Variants in LRRC7 observed in about 807,000 individuals in gnomAD.
LRRC7 encodes leucine-rich repeat-containing protein 7.
A neutral mutation model predicts 175.7 loss-of-function variants in LRRC7; 23 were observed. That is an observed-to-expected ratio of 0.13 (90% CI 0.09 to 0.19). The LOEUF (loss-of-function observed/expected upper bound fraction) is 0.19. Ranked by LOEUF, LRRC7 falls within the 10% of genes least tolerant of loss-of-function variation. The pLI is 1.00. For missense variants in LRRC7, 1,354 were observed against 1,904.7 expected (o/e 0.71, Z 5.38); for synonymous variants, 685 against 680.9 (o/e 1.01, Z -0.09).
intron 7 of LRRC7, among the ~76,000 whole-genome samples, chr1:69,886,231 A>C (rs541077508): frequency 6.6e-6 from 1 of 151,886 alleles, no homozygotes; most frequent in Non-Finnish European, 1.5e-5. Context: ...AAAGTCTCCC[A>C]TTGTTAATGT....
At chr1:69,819,122 T>C (rs1678932406) in intron 4 of LRRC7, among the ~76,000 whole-genome samples, 1 of 152,128 alleles carries the variant, frequency 6.6e-6, no homozygotes, top group African/African-American at 2.4e-5. Flanking sequence ...TTTGTTCTTA[T>C]TTTTCTAATT....
intron 12 of LRRC7, among the ~76,000 whole-genome samples, chr1:70,012,599 T>G (rs1656609899): frequency 6.6e-6 from 1 of 151,728 alleles, no homozygotes; most frequent in Admixed American, 6.6e-5. Flanking sequence ...GCCTAGGAAA[T>G]GTCAACAATA....
intron 2 of LRRC7, among the ~76,000 whole-genome samples, chr1:69,742,734 T>C (rs1254713822): frequency 2.6e-5 from 4 of 152,046 alleles, no homozygotes; most frequent in African/African-American, 7.2e-5. Flanking sequence ...CTTGGTTGTT[T>C]TAAATCTTTG....
At chr1:69,893,819 CTT>C (rs5774996) in intron 7 of LRRC7, among the ~76,000 whole-genome samples, 5 of 150,726 alleles carry the variant, frequency 3.3e-5, no homozygotes, top group Admixed American at 1.3e-4. Context: ...GAAAACCAAA[CTT>C]TTTTTTTTAG....
chr1:70,008,725 T>C (rs1420078503), intron 11 of LRRC7, among the ~76,000 whole-genome samples: 3 of 152,156 alleles, frequency 2.0e-5, no homozygotes, highest in Non-Finnish European at 4.4e-5. Context: ...TATCCAATAG[T>C]TGTAGTGCTT....
At chr1:69,813,310 G>A (rs941334587) in intron 4 of LRRC7, among the ~76,000 whole-genome samples, 2 of 152,068 alleles carry the variant, frequency 1.3e-5, no homozygotes, top group African/African-American at 4.8e-5. Context: ...TCTAAGTAGT[G>A]CTGAAAGGAA....
At chr1:70,078,663 A>G (rs1323632700) in intron 24 of LRRC7, among the ~76,000 whole-genome samples, 1 of 152,196 alleles carries the variant, frequency 6.6e-6, no homozygotes, top group East Asian at 1.9e-4. Context: ...TTTATTAGCC[A>G]CTTGTCCTTG....
intron 7 of LRRC7, among the ~76,000 whole-genome samples, chr1:69,852,651 A>G (rs959591319): frequency 6.6e-6 from 1 of 152,096 alleles, no homozygotes; most frequent in Non-Finnish European, 1.5e-5. Context: ...TTAAACTGAC[A>G]CTTTTCGGTT....
chr1:69,710,231 A>T (rs753017150), intron 2 of LRRC7, among the ~76,000 whole-genome samples: 3 of 145,696 alleles, frequency 2.1e-5, no homozygotes, highest in Non-Finnish European at 4.5e-5. Flanking sequence ...GTGAGCCAAG[A>T]TCACGCCACT....
intron 2 of LRRC7, among the ~76,000 whole-genome samples, chr1:69,743,844 A>G (rs1668976498): frequency 6.6e-6 from 1 of 151,822 alleles, no homozygotes; most frequent in Admixed American, 6.6e-5. Flanking sequence ...GTTTTATGAG[A>G]CTTACTTGAA....
At chr1:70,004,999 C>T (rs12040135) in intron 11 of LRRC7, among the ~76,000 whole-genome samples, 11,564 of 151,844 alleles carry the variant, frequency 0.076, 493 homozygotes, top group African/African-American at 0.12. Context: ...CTTTTACACG[C>T]TTCAGAAATA....
chr1:70,000,931 G>A (rs1379654077), intron 11 of LRRC7, among the ~76,000 whole-genome samples: 1 of 152,122 alleles, frequency 6.6e-6, no homozygotes, highest in African/African-American at 2.4e-5. Flanking sequence ...CCACAGTGAG[G>A]CCTTCCCTAA....
intron 12 of LRRC7, 101 bp downstream of exon 12, chr1:70,012,027 T>C (rs539245319): frequency 2.8e-6 from 2 of 720,266 alleles, no homozygotes; most frequent in African/African-American, 3.6e-5. Flanking sequence ...TGAGTTGAGC[T>C]GTGAATATAT....
Position 69,768,428 on chromosome 1 carries a change from A to G in LRRC7, c.303+8035A>G, listed in dbSNP as rs538745572. On this transcript the variant is annotated intron_variant, in intron 3 of 26. Transcript: ENST00000651989. ...GAAGCTTTTCCCCATTATCTCATAC[A>G]AAATAACAACACCCACTATCACCAC... is the stretch of plus-strand genomic sequence containing the variant. 4.6e-5 allele frequency among the ~76,000 whole-genome samples: 7 copies of G among 152,300 alleles called. No homozygotes were observed. In the South Asian group the frequency reaches 1.4e-3, roughly 32 times the overall value.
intron 7 of LRRC7, among the ~76,000 whole-genome samples, chr1:69,869,020 C>T (rs1464530496): frequency 6.6e-6 from 1 of 151,850 alleles, no homozygotes; most frequent in Non-Finnish European, 1.5e-5. Flanking sequence ...TTAAATGCTG[C>T]TTTAAATACC....
At chr1:69,638,289 G>A (rs150232991) in intron 1 of LRRC7, among the ~76,000 whole-genome samples, 106 of 151,868 alleles carry the variant, frequency 7.0e-4, no homozygotes, top group African/African-American at 2.3e-3. Flanking sequence ...TTCTAACCCT[G>A]TGCCTGAATA....
intron 23 of LRRC7, among the ~76,000 whole-genome samples, chr1:70,069,960 T>C (rs894482774): frequency 6.6e-6 from 1 of 152,158 alleles, no homozygotes; most frequent in Non-Finnish European, 1.5e-5. Context: ...GTTTCTTCTT[T>C]ATATCTTCTG....
At chr1:69,831,867 A>G (rs1474960432) in intron 5 of LRRC7, among the ~76,000 whole-genome samples, 1 of 152,140 alleles carries the variant, frequency 6.6e-6, no homozygotes, top group Admixed American at 6.6e-5. Flanking sequence ...CAGGTCTTCA[A>G]ATAATGTTGT....
intron 2 of LRRC7, among the ~76,000 whole-genome samples, chr1:69,751,454 TA>T (rs1411426195): frequency 6.6e-6 from 1 of 151,866 alleles, no homozygotes; most frequent in Non-Finnish European, 1.5e-5. Context: ...AGACATAAAA[TA>T]TTTAATATAG....
Sources: gnomAD v4.1 joint callset for allele counts (sites outside exome capture counted in the v4.1 genomes callset) on GRCh38, gnomAD v4.1.1 for gene constraint, MANE v1.5 for transcripts, NCBI Gene and HGNC (gene_info 2026-07-23, HGNC 2026-07-21) for gene names.